TOP6BL: variants seen among roughly 807,000 people sequenced by gnomAD.
TOP6BL encodes the protein TOP6B like initiator of meiotic double strand breaks.
the TOP6BL span, chr11:66,801,141 A>T: frequency 6.3e-7 from 1 of 1,584,466 alleles, no homozygotes; most frequent in Non-Finnish European, 8.7e-7. Flanking sequence ...TGCATGTTTT[A>T]CTCTCCTCTC....
the TOP6BL span, chr11:66,821,911 C>A: frequency 1.0e-6 from 1 of 1,001,010 alleles, no homozygotes; most frequent in Non-Finnish European, 1.4e-6. Flanking sequence ...AACACTGCAT[C>A]TAGCCTACAA....
the TOP6BL span, among the ~76,000 whole-genome samples, chr11:66,759,622 C>T: frequency 7.9e-5 from 12 of 152,184 alleles, no homozygotes; most frequent in African/African-American, 2.4e-4. Context: ...CTCACTCTGT[C>T]ACCCAGGCTG....
chr11:66,744,831 C>CGGCG, the TOP6BL span: 1 of 1,322,472 alleles, frequency 7.6e-7, no homozygotes, highest in South Asian at 2.3e-5. Flanking sequence ...GCGGCGGCGG[C>CGGCG]GGCGGCGGCG....
chr11:66,751,160 C>T, the TOP6BL span, among the ~76,000 whole-genome samples: 1 of 152,176 alleles, frequency 6.6e-6, no homozygotes, highest in East Asian at 1.9e-4. Flanking sequence ...GGACTACAGG[C>T]ATGTGCTACC....
At chr11:66,772,880 C>G in the TOP6BL span, among the ~76,000 whole-genome samples, 3 of 152,152 alleles carry the variant, frequency 2.0e-5, no homozygotes, top group East Asian at 5.8e-4. Context: ...CATAGAATGA[C>G]TTTGGACATA....
At chr11:66,747,235 C>T in the TOP6BL span, among the ~76,000 whole-genome samples, 2 of 151,998 alleles carry the variant, frequency 1.3e-5, no homozygotes, top group Middle Eastern at 3.4e-3. Flanking sequence ...CACACCCGGT[C>T]GATTAAATGT....
At chr11:66,762,103 CT>C in the TOP6BL span, 4 of 1,077,584 alleles carry the variant, frequency 3.7e-6, no homozygotes, top group African/African-American at 1.5e-5. Flanking sequence ...CTCCAGACAT[CT>C]TAGGAAGGGT....
chr11:66,765,273 A>T, the TOP6BL span, among the ~76,000 whole-genome samples: 1 of 152,218 alleles, frequency 6.6e-6, no homozygotes, highest in African/African-American at 2.4e-5. Flanking sequence ...ATGGTGACTT[A>T]GTTTTAATTT....
the TOP6BL span, among the ~76,000 whole-genome samples, chr11:66,759,257 T>G: frequency 6.6e-6 from 1 of 152,194 alleles, no homozygotes; most frequent in African/African-American, 2.4e-5. Context: ...ATAATTTTTT[T>G]AACATAAGTA....
chr11:66,781,338 A>G, the TOP6BL span, among the ~76,000 whole-genome samples: 2 of 152,052 alleles, frequency 1.3e-5, no homozygotes, highest in Admixed American at 1.3e-4. Flanking sequence ...CTGCTATTAA[A>G]CCTATCAAGT....
the TOP6BL span, chr11:66,801,023 C>G: frequency 6.2e-7 from 1 of 1,613,606 alleles, no homozygotes. Context: ...CTTTGCTTTG[C>G]TTTGCAGGGT....
the TOP6BL span, among the ~76,000 whole-genome samples, chr11:66,820,231 C>T: frequency 1.3e-5 from 2 of 152,148 alleles, no homozygotes; most frequent in Non-Finnish European, 2.9e-5. Flanking sequence ...GCTCCAGAAT[C>T]CTTTTGAGCT....
the TOP6BL span, among the ~76,000 whole-genome samples, chr11:66,778,170 G>A: frequency 6.6e-6 from 1 of 150,588 alleles, no homozygotes; most frequent in African/African-American, 2.4e-5. Flanking sequence ...CCAAATTGCT[G>A]GGATTACAGA....
the TOP6BL span, chr11:66,821,611 T>C: frequency 6.6e-5 from 104 of 1,568,558 alleles, no homozygotes; most frequent in Middle Eastern, 1.7e-4. Context: ...GAGGTAGATA[T>C]AGTGATAATT....
chr11:66,779,930 T>C, the TOP6BL span, among the ~76,000 whole-genome samples: 1 of 146,358 alleles, frequency 6.8e-6, no homozygotes, highest in Admixed American at 7.2e-5. Flanking sequence ...AAACACCGCA[T>C]GTTCTCACTC....
the TOP6BL span, among the ~76,000 whole-genome samples, chr11:66,802,068 C>A: frequency 6.6e-6 from 1 of 152,162 alleles, no homozygotes; most frequent in Non-Finnish European, 1.5e-5. Context: ...TAGCTCACTG[C>A]AGCCTTGGTC....
At chr11:66,831,777 C>CCT in the TOP6BL span, among the ~76,000 whole-genome samples, 1 of 151,932 alleles carries the variant, frequency 6.6e-6, no homozygotes, top group African/African-American at 2.4e-5. Context: ...GAGTGGATCA[C>CCT]GAGGTCAAGA....
At chr11:66,770,431 C>T in the TOP6BL span, among the ~76,000 whole-genome samples, 10 of 152,188 alleles carry the variant, frequency 6.6e-5, no homozygotes, top group East Asian at 1.2e-3. Flanking sequence ...AGGCCAGGCA[C>T]GGTGGCTCAT....
At chr11:66,820,178 G>A in the TOP6BL span, among the ~76,000 whole-genome samples, 1 of 152,176 alleles carries the variant, frequency 6.6e-6, no homozygotes, top group Non-Finnish European at 1.5e-5. Flanking sequence ...ACCACTAGTT[G>A]ATGGCAGAAT....
Sources: allele counts gnomAD v4.1 joint callset (sites outside exome capture counted in the v4.1 genomes callset), GRCh38; gene constraint gnomAD v4.1.1; transcripts MANE v1.5; gene names NCBI Gene and HGNC (gene_info 2026-07-23, HGNC 2026-07-21).